Variants in ECPAS observed in about 807,000 individuals in gnomAD.
ECPAS encodes the protein Ecm29 proteasome adaptor and scaffold.
A neutral mutation model predicts 255.1 loss-of-function variants in ECPAS; 70 were observed. That is an observed-to-expected ratio of 0.27 (90% confidence interval 0.23 to 0.33). The LOEUF (loss-of-function observed/expected upper bound fraction) is 0.33, where lower values mean the gene tolerates loss of function less well. Ranked by LOEUF, ECPAS falls within the 10% of genes least tolerant of loss-of-function variation. The probability of loss-of-function intolerance (pLI) is 1.00; values close to 1 mark genes in which losing one functional copy is unlikely to be tolerated. For missense variants in ECPAS, 1,817 were observed against 2,206.4 expected, an observed-to-expected ratio of 0.82 and a Z score of 3.54; for synonymous variants, 784 against 775.0, an observed-to-expected ratio of 1.01 and a Z score of -0.19.
At position 111,412,176 on chromosome 9, in the gene ECPAS, T is replaced by C. The variant is rs772433896; in HGVS notation, c.2080-28A>G. ...GAGCAGTATAAAAAAAAAACAAATA[T>C]ATACATGACACAGAACCACGTGCCT... On this transcript the variant is annotated intron_variant, in intron 20 of 49. Coordinates refer to ENST00000684092, the MANE Select transcript of ECPAS (RefSeq NM_001364929.1). 9 of 1,525,862 alleles carry C rather than the reference T, an allele frequency of 5.9e-6. No individual in the cohort carries two copies. In the African/African-American group the frequency reaches 7.2e-5, roughly 12 times the overall value. 94.5% of individuals were successfully genotyped at this position (1,525,862 alleles called of 1,614,324 possible).
chr9:111,458,045 T>A (rs1316003870), intron 2 of ECPAS, among the ~76,000 whole-genome samples: 1 of 152,202 alleles, frequency 6.6e-6, no homozygotes, highest in Non-Finnish European at 1.5e-5. Flanking sequence ...TAAAAAAGTA[T>A]AAAATTCCTC....
intron 49 of ECPAS, 28 bp downstream of exon 49, chr9:111,363,560 C>A: frequency 7.3e-7 from 1 of 1,375,690 alleles, no homozygotes; most frequent in South Asian, 1.2e-5. Flanking sequence ...GCTTTATGGT[C>A]CCCCAGTCAG....
intron 35 of ECPAS, among the ~76,000 whole-genome samples, chr9:111,378,942 A>G (rs1384763778): frequency 6.6e-6 from 1 of 152,212 alleles, no homozygotes; most frequent in African/African-American, 2.4e-5. Context: ...AAGTAGGAAA[A>G]GCCTACCTTC....
intron 35 of ECPAS, 133 bp downstream of exon 35, chr9:111,383,078 G>A: frequency 3.7e-6 from 4 of 1,075,830 alleles, no homozygotes; most frequent in Non-Finnish European, 2.6e-6. Context: ...TGACTCACAA[G>A]TTTTCACAAA....
chr9:111,369,023 T>C lies in ECPAS; in HGVS notation c.5113+12A>G, dbSNP rs1276137909. On this transcript the variant is annotated intron_variant, in intron 46 of 49. Transcript: ENST00000684092. ...TGGTTACAGCACTTCAAATGCAGTT[T>C]CTGGTGCTTACGTTGGGTCTCCGCG... is the stretch of plus-strand genomic sequence containing the variant. The C allele has an allele frequency of 6.5e-7, 1 of 1,541,706 alleles. No individual in the cohort carries two copies. The highest frequency in any genetic ancestry group is 1.3e-5 in the South Asian group (1 of 78,798).
Position 111,484,212 on chromosome 9 carries a change from G to A in ECPAS, c.-179C>T. 5 of 1,470,112 alleles carry A rather than the reference G, an allele frequency of 3.4e-6. No homozygotes were observed. Among genetic ancestry groups the A allele is most frequent in the Non-Finnish European group, 4.5e-6 (5 of 1,114,582 alleles). 91.1% of individuals were successfully genotyped at this position (1,470,112 alleles called of 1,614,324 possible). On this transcript the variant is annotated 5_prime_UTR_variant, in exon 1 of 50. Transcript: ENST00000684092. ...CGTTCGGCGGGCCGGGCCCCGGGGA[G>A]CCGCGCGCCGCAGTCCGTGAGGGGC... is the stretch of plus-strand genomic sequence containing the variant.
At chr9:111,460,841 T>G (rs915223579) in intron 2 of ECPAS, among the ~76,000 whole-genome samples, 1 of 152,098 alleles carries the variant, frequency 6.6e-6, no homozygotes, top group African/African-American at 2.4e-5. Flanking sequence ...TAATAAGATG[T>G]CAATTCTCCC....
chr9:111,370,077 T>C (rs2098125462), intron 45 of ECPAS, among the ~76,000 whole-genome samples: 1 of 152,206 alleles, frequency 6.6e-6, no homozygotes, highest in South Asian at 2.1e-4. Flanking sequence ...CATCTAGCGG[T>C]GCCCAGGAAC....
In ECPAS at chr9:111,420,008, G is replaced by C. The variant is rs530249132; in HGVS notation, c.1559+9C>G. On this transcript the variant is annotated intron_variant, in intron 16 of 49. Transcript: ENST00000684092. ...ACCAAAATTCAAATTAACACCTTTT[G>C]AAACTTACGGATCTCCTGCAGCCAG... 1 of 1,589,088 alleles carries C rather than the reference G, an allele frequency of 6.3e-7. No individual in the cohort carries two copies. The highest frequency in any genetic ancestry group is 1.3e-5 in the African/African-American group (1 of 74,318).
chr9:111,393,894 C>A (rs2098163900), intron 26 of ECPAS, among the ~76,000 whole-genome samples, 160 bp from the exon 27 acceptor site: 1 of 152,198 alleles, frequency 6.6e-6, no homozygotes, highest in Non-Finnish European at 1.5e-5. Flanking sequence ...TCACCTGGAG[C>A]TGCACCACTT....
intron 24 of ECPAS, among the ~76,000 whole-genome samples, chr9:111,402,103 C>T (rs1238805116): frequency 6.6e-6 from 1 of 152,102 alleles, no homozygotes; most frequent in Non-Finnish European, 1.5e-5. Flanking sequence ...GAAATCTTCA[C>T]AATTTATGTT....
intron 1 of ECPAS, among the ~76,000 whole-genome samples, chr9:111,474,090 G>A (rs754683560): frequency 6.6e-6 from 1 of 152,174 alleles, no homozygotes; most frequent in Non-Finnish European, 1.5e-5. Context: ...ATCAGAATCA[G>A]GATTCAAAAC....
chr9:111,388,728 A>G (rs1482610665), intron 31 of ECPAS, among the ~76,000 whole-genome samples: 5 of 152,318 alleles, frequency 3.3e-5, no homozygotes, highest in Admixed American at 1.3e-4. Flanking sequence ...AAGAGAGTAG[A>G]TTCAAGGAAT....
At chr9:111,404,240 TAAAGG>T (rs1307311062) in intron 24 of ECPAS, among the ~76,000 whole-genome samples, 1 of 148,450 alleles carries the variant, frequency 6.7e-6, no homozygotes, top group African/African-American at 2.6e-5. Context: ...CCAAAATTAA[TAAAGG>T]AAAGAAATAA....
intron 4 of ECPAS, among the ~76,000 whole-genome samples, chr9:111,442,957 C>A (rs896304086): frequency 6.6e-6 from 1 of 152,070 alleles, no homozygotes; most frequent in Non-Finnish European, 1.5e-5. Flanking sequence ...GTCAAGCATC[C>A]CAAATTTGAA....
At chr9:111,416,222 T>A (rs776145626) in intron 18 of ECPAS, 50 bp downstream of exon 18, 2 of 1,384,046 alleles carry the variant, frequency 1.4e-6, no homozygotes, top group Non-Finnish European at 2.1e-6. Flanking sequence ...TGTGGTGTGA[T>A]CTTTTTAGAA....
At position 111,425,779 on chromosome 9, in the gene ECPAS, G is replaced by A. The variant is rs1261137397; in HGVS notation, c.1100C>T (p.Thr367Ile). The A allele has an allele frequency of 4.4e-6, 7 of 1,591,090 alleles. No homozygotes were observed. The highest frequency in any genetic ancestry group is 2.7e-5 in the African/African-American group (2 of 74,518). Residue 367 changes from threonine (T) to isoleucine (I), a missense_variant, in exon 11 of 50, where the codon ACA becomes ATA. Thr to Ile is a moderately conservative substitution (Grantham distance 89). This residue lies in a region of ECPAS where 573 missense variants were observed against 716.2 expected (regional missense o/e 0.80). Coordinates refer to ENST00000684092, the MANE Select transcript of ECPAS (RefSeq NM_001364929.1). The part of the protein sequence containing the change: ...FGTNTNSKLR[T>I]LSLQFVHHIC... ...ATGATGCACAAATTGCAGGGATAAT[G>A]TTCTTAACTTTGAATTTGTATTTGT...
At chr9:111,424,848 A>G (rs931381262) in intron 12 of ECPAS, among the ~76,000 whole-genome samples, 1 of 152,224 alleles carries the variant, frequency 6.6e-6, no homozygotes, top group African/African-American at 2.4e-5. Context: ...AAGTAGCACA[A>G]AAGGTGCTGG....
intron 23 of ECPAS, among the ~76,000 whole-genome samples, chr9:111,409,422 T>C (rs1325554204): frequency 6.6e-6 from 1 of 152,074 alleles, no homozygotes; most frequent in African/African-American, 2.4e-5. Context: ...TAGCTGGGCA[T>C]GGTGGCGTGC....
Sources: allele counts gnomAD v4.1 joint callset (sites outside exome capture counted in the v4.1 genomes callset), GRCh38; gene constraint gnomAD v4.1.1; regional missense constraint gnomAD v4.1.1; transcripts MANE v1.5; gene names NCBI Gene and HGNC (gene_info 2026-07-23, HGNC 2026-07-21).